Variants in CUL1 observed in about 807,000 individuals in gnomAD.
The protein encoded by CUL1 is cullin-1.
CUL1 carries 24 observed loss-of-function variants against 118.0 expected under a neutral mutation model. The observed-to-expected ratio is 0.20, with a 90% CI of 0.15 to 0.29. CUL1 has a LOEUF of 0.29. CUL1 is among the 10% of genes least tolerant of loss of function. CUL1 has a pLI of 1.00. For synonymous variants in CUL1, 332 were observed against 340.4 expected, an observed-to-expected ratio of 0.98 and a Z score of 0.27; for missense variants, 361 against 933.8, an observed-to-expected ratio of 0.39 and a Z score of 7.99.
intron 9 of CUL1, among the ~76,000 whole-genome samples, chr7:148,780,348 G>A (rs1373135250): frequency 6.6e-6 from 1 of 152,194 alleles, no homozygotes; most frequent in Admixed American, 6.5e-5. Context: ...AGTACATGGG[G>A]TAAGTTTTAC....
intron 7 of CUL1, among the ~76,000 whole-genome samples, chr7:148,762,295 AC>A (rs1328191046): frequency 2.6e-5 from 4 of 152,322 alleles, no homozygotes. Flanking sequence ...GTTTGTGGTG[AC>A]CTGAATGCAT....
At chr7:148,724,611 T>C (rs1207098611) in intron 1 of CUL1, among the ~76,000 whole-genome samples, 2 of 152,194 alleles carry the variant, frequency 1.3e-5, no homozygotes, top group African/African-American at 4.8e-5. Context: ...TCTCCGGGGA[T>C]TGGCCGTCTA....
chr7:148,759,829 T>G (rs1172202853), intron 6 of CUL1, among the ~76,000 whole-genome samples, 191 bp downstream of exon 6: 1 of 152,210 alleles, frequency 6.6e-6, no homozygotes, highest in East Asian at 1.9e-4. Context: ...AGCTGTTTGA[T>G]CCGTGTGCCT....
intron 9 of CUL1, 77 bp from the exon 10 acceptor site, chr7:148,783,706 T>TG: frequency 6.3e-7 from 1 of 1,581,060 alleles, no homozygotes; most frequent in Admixed American, 1.7e-5. Context: ...TGTATGCTAG[T>TG]ACATGCATTG....
chr7:148,703,350 G>A (rs1287430288), intron 1 of CUL1, among the ~76,000 whole-genome samples: 1 of 152,158 alleles, frequency 6.6e-6, no homozygotes, highest in Admixed American at 6.5e-5. Flanking sequence ...TGGGTGTGAT[G>A]TTATGACTCA....
chr7:148,725,219 GCTCACACACA>G lies in CUL1; in HGVS notation c.-161-4741_-161-4732del, dbSNP rs1184909334. 1.6e-3 allele frequency among the ~76,000 whole-genome samples: 228 copies of G among 140,150 alleles called. 2 individuals are homozygous for G. The highest frequency in any genetic ancestry group is 2.5e-3 in the African/African-American group (89 of 35,430). The allele number at this position is 140,150 out of a possible 152,430, so 91.9% of individuals were successfully genotyped here. A position where few individuals can be genotyped will look rare whatever the true frequency, so the allele number is the denominator to read the frequency against. ...CGTGTACACACACACACACGCGCGC[GCTCACACACA>G]CACACACACACACACACACCCGTAC... On this transcript the variant is annotated intron_variant, in intron 1 of 21. Transcript: ENST00000325222.
intron 2 of CUL1, among the ~76,000 whole-genome samples, chr7:148,739,358 A>C (rs999942687): frequency 6.6e-6 from 1 of 152,160 alleles, no homozygotes; most frequent in African/African-American, 2.4e-5. Context: ...GTGTCATCAG[A>C]GCTATATAAG....
intron 1 of CUL1, among the ~76,000 whole-genome samples, chr7:148,727,490 T>C (rs1431409775): frequency 1.3e-5 from 2 of 152,166 alleles, no homozygotes; most frequent in Non-Finnish European, 2.9e-5. Context: ...TGCCAGGCTC[T>C]GTATGAGGTT....
At chr7:148,706,870 A>G (rs1025860346) in intron 1 of CUL1, among the ~76,000 whole-genome samples, 3 of 152,138 alleles carry the variant, frequency 2.0e-5, no homozygotes, top group African/African-American at 4.8e-5. Context: ...ATTTAGGCCA[A>G]TATTTGGCTG....
At chr7:148,706,039 A>G (rs1172007416) in intron 1 of CUL1, among the ~76,000 whole-genome samples, 3 of 152,162 alleles carry the variant, frequency 2.0e-5, no homozygotes, top group African/African-American at 7.2e-5. Flanking sequence ...CCCCGACCTC[A>G]TGTGATGGGC....
intron 1 of CUL1, among the ~76,000 whole-genome samples, chr7:148,703,541 TG>T (rs1472062820): frequency 1.3e-5 from 2 of 148,596 alleles, no homozygotes; most frequent in African/African-American, 5.0e-5. Context: ...TTTTGTTTTT[TG>T]TTTTTTTTGA....
chr7:148,751,195 G>A (rs1036247197), intron 2 of CUL1, among the ~76,000 whole-genome samples: 2 of 151,982 alleles, frequency 1.3e-5, no homozygotes, highest in African/African-American at 4.8e-5. Context: ...AGGATTGCTT[G>A]AGCCCAAGAA....
intron 1 of CUL1, among the ~76,000 whole-genome samples, chr7:148,711,626 G>GA (rs1798054245): frequency 6.6e-6 from 1 of 152,148 alleles, no homozygotes; most frequent in Non-Finnish European, 1.5e-5. Flanking sequence ...CTCAGCTAGG[G>GA]AAAATTACTG....
At chr7:148,797,653 TAAG>T (rs1801249494) in intron 17 of CUL1, among the ~76,000 whole-genome samples, 156 bp from the exon 18 acceptor site, 2 of 151,856 alleles carry the variant, frequency 1.3e-5, no homozygotes, top group African/African-American at 4.8e-5. Flanking sequence ...AGTGAACTTC[TAAG>T]AAGTACCAAC....
intron 14 of CUL1, 102 bp downstream of exon 14, chr7:148,788,776 G>A: frequency 2.6e-6 from 2 of 772,772 alleles, no homozygotes; most frequent in Non-Finnish European, 4.3e-6. Context: ...GGCTTTGTCA[G>A]AAATTCAAGA....
chr7:148,754,139 A>G lies in CUL1; in HGVS notation c.304A>G (p.Asn102Asp). The G allele has an allele frequency of 2.5e-6, 4 of 1,601,174 alleles. No homozygotes were observed. Among genetic ancestry groups the G allele is most frequent in the Non-Finnish European group, 2.6e-6 (3 of 1,171,906 alleles). Residue 102 changes from asparagine to aspartate, a missense_variant, in exon 3 of 22, where the codon AAT (asparagine) becomes GAT (aspartate). Asn to Asp is a conservative substitution (Grantham distance 23). This residue lies in a region of CUL1 where 49 missense variants were observed against 67.4 expected (regional missense o/e 0.73). Coordinates refer to ENST00000325222, the MANE Select transcript of CUL1 (RefSeq NM_003592.3). Reference sequence around the variant, plus strand: ...GGAATTTTTGAAGAATTACTTGACAAATCTTCTTAAGGTAAGATGTTTTAT... The same window carrying G: ...GGAATTTTTGAAGAATTACTTGACAGATCTTCTTAAGGTAAGATGTTTTAT... ...LKEFLKNYLT[N>D]LLKDGEDLMD...
At chr7:148,726,194 G>A (rs1010791896) in intron 1 of CUL1, among the ~76,000 whole-genome samples, 1 of 152,186 alleles carries the variant, frequency 6.6e-6, no homozygotes, top group African/African-American at 2.4e-5. Context: ...AAAAAGAATA[G>A]AGAATATGTA....
chr7:148,771,635 A>G (rs539142792), intron 9 of CUL1, among the ~76,000 whole-genome samples: 3 of 152,292 alleles, frequency 2.0e-5, no homozygotes, highest in African/African-American at 7.2e-5. Flanking sequence ...CTGATATGTG[A>G]GGCGATCAAT....
rs1358727469 is a variant in CUL1 at position 148,730,121 on chromosome 7, C to A, written c.-2C>A. ...CTGGACGACTTTAGAACATCCCTCA[C>A]AATGTCGTCAACCCGGAGCCAGAAC... On this transcript the variant is annotated 5_prime_UTR_variant, in exon 2 of 22. Transcript: ENST00000325222. 2 of 1,612,344 alleles carry A rather than the reference C, an allele frequency of 1.2e-6. No homozygotes were observed. Among genetic ancestry groups the A allele is most frequent in the Non-Finnish European group, 1.7e-6 (2 of 1,179,440 alleles).
Sources: allele counts gnomAD v4.1 joint callset (sites outside exome capture counted in the v4.1 genomes callset), GRCh38; gene constraint gnomAD v4.1.1; regional missense constraint gnomAD v4.1.1; transcripts MANE v1.5; gene names NCBI Gene and HGNC (gene_info 2026-07-23, HGNC 2026-07-21).